The following FBXO34 variants were observed in gnomAD, a reference collection of about 807,000 sequenced individuals.
The protein encoded by FBXO34 is F-box only protein 34.
In FBXO34, 12 loss-of-function variants were observed where a neutral mutation model predicts 24.5. The ratio of observed to expected loss-of-function variants is 0.49; its 90% CI spans 0.31 to 0.79. The LOEUF (loss-of-function observed/expected upper bound fraction) is 0.79, where lower values mean the gene tolerates loss of function less well. Ranked by LOEUF, FBXO34 falls within the 30% of genes least tolerant of loss-of-function variation. The pLI, the probability that FBXO34 is intolerant of heterozygous loss-of-function variation, is 0.04. For synonymous variants in FBXO34, 320 were observed against 311.9 expected (o/e 1.03, Z -0.27); for missense variants, 823 against 857.7 (o/e 0.96, Z 0.51).
chr14:55,429,013 C>T, the FBXO34 span: 1 of 1,606,862 alleles, frequency 6.2e-7, no homozygotes, highest in Non-Finnish European at 8.5e-7. Context: ...GTCTTAATCG[C>T]TACATCCTCT....
intron 1 of FBXO34, among the ~76,000 whole-genome samples, chr14:55,340,693 G>A (rs1163931303): frequency 6.6e-6 from 1 of 152,202 alleles, no homozygotes; most frequent in Non-Finnish European, 1.5e-5. Flanking sequence ...TGTCCAGCCA[G>A]GGATTTGTGT....
At chr14:55,309,411 A>G (rs1882660395) in intron 1 of FBXO34, among the ~76,000 whole-genome samples, 1 of 152,234 alleles carries the variant, frequency 6.6e-6, no homozygotes, top group African/African-American at 2.4e-5. Flanking sequence ...AGCTAGATAG[A>G]GCAAAATGAT....
intron 1 of FBXO34, among the ~76,000 whole-genome samples, chr14:55,335,069 GAGGGCAGGTGA>G (rs377392904): frequency 6.6e-6 from 1 of 152,320 alleles, no homozygotes; most frequent in African/African-American, 2.4e-5. Context: ...GGATTGAGTG[GAGGGCAGGTGA>G]AGGGCAGGTG....
chr14:55,290,406 A>G (rs927492831), intron 1 of FBXO34, among the ~76,000 whole-genome samples: 9 of 151,968 alleles, frequency 5.9e-5, no homozygotes, highest in African/African-American at 1.9e-4. Context: ...AAAAAAATAA[A>G]TAAAATAAAT....
chr14:55,334,749 C>T (rs1005346317), intron 1 of FBXO34, among the ~76,000 whole-genome samples: 18 of 152,292 alleles, frequency 1.2e-4, no homozygotes, highest in Middle Eastern at 3.4e-3. Context: ...CCCCAAAATC[C>T]TACCAAAATC....
downstream of FBXO34, among the ~76,000 whole-genome samples, chr14:55,356,633 T>TA (rs1201789774): frequency 1.1e-4 from 16 of 151,756 alleles, no homozygotes; most frequent in Non-Finnish European, 1.5e-4. Flanking sequence ...TTTATTTTTT[T>TA]ATTTTTACTA....
rs1037527380 is a variant in FBXO34, at chr14:55,310,602, AG to A, written c.-11+39068del. Among the ~76,000 whole-genome samples, 38 of 152,342 alleles carry A rather than the reference AG, an allele frequency of 2.5e-4. 1 individual carries two copies. Among genetic ancestry groups the A allele is most frequent in the African/African-American group, 8.9e-4 (37 of 41,576 alleles). On this transcript the variant is annotated intron_variant, in intron 1 of 1. Coordinates refer to ENST00000313833, the MANE Select transcript of FBXO34 (RefSeq NM_017943.4). ...AAGTGTACAAGGAATCTTTTAGATT[AG>A]GGTTTCTTCATGCCTGCCTGCCTGC...
chr14:55,294,093 C>G (rs1488186662), intron 1 of FBXO34, among the ~76,000 whole-genome samples: 2 of 152,028 alleles, frequency 1.3e-5, no homozygotes, highest in Non-Finnish European at 2.9e-5. Context: ...ACTGATCACC[C>G]TACTTAAAAT....
At chr14:55,338,224 T>A (rs1322915841) in intron 1 of FBXO34, among the ~76,000 whole-genome samples, 1 of 151,620 alleles carries the variant, frequency 6.6e-6, no homozygotes, top group African/African-American at 2.4e-5. Context: ...TAATTTTTTG[T>A]ATTTTTAGTA....
intron 1 of FBXO34, among the ~76,000 whole-genome samples, chr14:55,308,571 T>G (rs977710498): frequency 6.6e-6 from 1 of 152,212 alleles, no homozygotes; most frequent in Non-Finnish European, 1.5e-5. Context: ...TACCTTGAAG[T>G]ATATTGTTCT....
the FBXO34 span, chr14:55,395,038 A>G: frequency 2.1e-6 from 1 of 486,834 alleles, no homozygotes; most frequent in Non-Finnish European, 4.2e-6. Flanking sequence ...TTGGTTAGCC[A>G]CTTCTGACTT....
intron 1 of FBXO34, among the ~76,000 whole-genome samples, chr14:55,349,998 TGGA>T (rs1368232416): frequency 6.6e-6 from 1 of 152,166 alleles, no homozygotes; most frequent in Non-Finnish European, 1.5e-5. Context: ...GTAGGGATCT[TGGA>T]GGAGTTCTTT....
chr14:55,429,786 A>G, the FBXO34 span, among the ~76,000 whole-genome samples: 4 of 151,350 alleles, frequency 2.6e-5, no homozygotes, highest in East Asian at 3.9e-4. Context: ...AAAAAAAAAA[A>G]AAAGAAAACA....
At chr14:55,335,852 T>TA (rs1382384066) in intron 1 of FBXO34, among the ~76,000 whole-genome samples, 1 of 152,200 alleles carries the variant, frequency 6.6e-6, no homozygotes, top group Non-Finnish European at 1.5e-5. Context: ...GAGCAATGTA[T>TA]AACTACATGC....
the FBXO34 span, chr14:55,440,627 G>C: frequency 7.0e-7 from 1 of 1,422,820 alleles, no homozygotes; most frequent in East Asian, 2.5e-5. Flanking sequence ...TGGGCGATGG[G>C]CTTGGAGCGG....
chr14:55,352,796 A>G lies in FBXO34; in HGVS notation c.*270A>G. The G allele has an allele frequency of 2.7e-6, 1 of 374,088 alleles. No homozygotes were observed. Among genetic ancestry groups the G allele is most frequent in the Non-Finnish European group, 5.0e-6 (1 of 198,420 alleles). 23.2% of individuals were successfully genotyped at this position (374,088 alleles called of 1,614,324 possible). ...TGTGAATAACTGCCTGTTTTCCTAA[A>G]TCAAACCCATCCTCAAAGGATGAAG... On this transcript the variant is annotated 3_prime_UTR_variant, in exon 2 of 2. Transcript: ENST00000313833.
rs771211605 is a variant in FBXO34, at chr14:55,318,739, T to C, written c.-10-31642T>C. ...CACACAAAATAGTTTCAGGTCATAT[T>C]GTTTGGTCTTGAGAATTGGAACAAT... On this transcript the variant is annotated intron_variant, in intron 1 of 1. Coordinates refer to ENST00000313833, the MANE Select transcript of FBXO34 (RefSeq NM_017943.4). 1.3e-5 allele frequency among the ~76,000 whole-genome samples: 2 copies of C among 152,060 alleles called. 1 individual carries two copies. The highest frequency in any genetic ancestry group is 2.9e-5 in the Non-Finnish European group (2 of 68,008).
the FBXO34 span, among the ~76,000 whole-genome samples, chr14:55,395,411 G>C: frequency 6.6e-6 from 1 of 152,206 alleles, no homozygotes; most frequent in Non-Finnish European, 1.5e-5. Context: ...GGAGTGCTGT[G>C]GCACGATCTT....
chr14:55,371,094 C>T (rs566581995), downstream of FBXO34, among the ~76,000 whole-genome samples: 8 of 152,234 alleles, frequency 5.3e-5, no homozygotes, highest in East Asian at 1.9e-4. Context: ...ACCAAGGTGC[C>T]GCTCTCTCCC....
Sources: allele counts gnomAD v4.1 joint callset (sites outside exome capture counted in the v4.1 genomes callset), GRCh38; gene constraint gnomAD v4.1.1; transcripts MANE v1.5; gene names NCBI Gene and HGNC (gene_info 2026-07-23, HGNC 2026-07-21).